The following CEP72 variants were observed in gnomAD, a reference collection of about 807,000 sequenced individuals.
CEP72 encodes centrosomal protein of 72 kDa.
A neutral mutation model predicts 65.7 loss-of-function variants in CEP72; 78 were observed. That is an observed-to-expected ratio of 1.19 (90% CI 0.99 to 1.43). CEP72 has a LOEUF of 1.43. Among genes scored for constraint, CEP72 ranks in the 40% most tolerant of loss-of-function variants. CEP72 has a pLI of 0.00. For synonymous variants in CEP72, 358 were observed against 351.7 expected, an observed-to-expected ratio of 1.02 and a Z score of -0.20; for missense variants, 914 against 832.9, an observed-to-expected ratio of 1.10 and a Z score of -1.20.
intron 9 of CEP72, chr5:643,148 T>C: frequency 1.0e-6 from 1 of 974,728 alleles, no homozygotes; most frequent in Middle Eastern, 5.3e-4. Context: ...GGGGCTGCAG[T>C]GAGCTGTGAT....
intron 1 of CEP72, among the ~76,000 whole-genome samples, chr5:615,935 A>G (rs888654331): frequency 6.6e-6 from 1 of 152,206 alleles, no homozygotes; most frequent in Non-Finnish European, 1.5e-5. Flanking sequence ...AAATATAGAA[A>G]CTTTATCACC....
intron 3 of CEP72, among the ~76,000 whole-genome samples, chr5:620,703 C>T (rs1736333863): frequency 6.6e-6 from 1 of 152,250 alleles, no homozygotes; most frequent in African/African-American, 2.4e-5. Flanking sequence ...TTGTCCCCCA[C>T]ACCCCACCAC....
the CEP72 span, among the ~76,000 whole-genome samples, chr5:673,550 C>T: frequency 3.3e-5 from 5 of 152,168 alleles, no homozygotes; most frequent in African/African-American, 1.2e-4. Flanking sequence ...GGACAATCTC[C>T]CACACGGCGC....
rs1311219762 is a variant in CEP72 at position 612,358 on chromosome 5, A to G, written c.-4A>G. On this transcript the variant is annotated 5_prime_UTR_variant, in exon 1 of 12. Coordinates refer to ENST00000264935, the MANE Select transcript of CEP72 (RefSeq NM_018140.4). ...AGGCGCCGTCCGAGGGCTCCGTTTGAAACATGGCGCGGGCTGGCCCTCGGC... is the reference window on the plus strand; with the variant it reads ...AGGCGCCGTCCGAGGGCTCCGTTTGGAACATGGCGCGGGCTGGCCCTCGGC... 3 of 1,488,654 alleles carry G rather than the reference A, an allele frequency of 2.0e-6. No homozygotes were observed. The highest frequency in any genetic ancestry group is 2.7e-6 in the Non-Finnish European group (3 of 1,124,492). 92.2% of individuals were successfully genotyped at this position (1,488,654 alleles called of 1,614,324 possible).
At chr5:633,679 A>C in intron 4 of CEP72, 90 bp from the exon 5 acceptor site, 1 of 1,258,984 alleles carries the variant, frequency 7.9e-7, no homozygotes, top group South Asian at 1.3e-5. Context: ...TCTCTCAGAG[A>C]CCGTGCAGGA....
chr5:649,204 T>A (rs1399119247), intron 11 of CEP72, among the ~76,000 whole-genome samples: 2 of 94,890 alleles, frequency 2.1e-5, no homozygotes, highest in African/African-American at 8.6e-5. Flanking sequence ...GGTGTGACTG[T>A]GAGGTGTGGA....
At chr5:612,687 A>G (rs1338305797) in intron 1 of CEP72, 1 of 729,834 alleles carries the variant, frequency 1.4e-6, no homozygotes, top group Admixed American at 1.0e-4. Context: ...CTATCGGGTC[A>G]CTGGTTCCGT....
At chr5:665,928 C>G in intron 3 of CEP72, 9 of 780,354 alleles carry the variant, frequency 1.2e-5, no homozygotes, top group Non-Finnish European at 1.4e-5. Flanking sequence ...GGCCCCGCCC[C>G]CACCCCCTCC....
At chr5:675,284 A>C in the CEP72 span, among the ~76,000 whole-genome samples, 3 of 74,896 alleles carry the variant, frequency 4.0e-5, no homozygotes, top group South Asian at 1.2e-3. Flanking sequence ...CAGGGGGTTC[A>C]GTGTGGCCAG....
chr5:643,004 G>C (rs1043167764), intron 9 of CEP72: 1 of 985,352 alleles, frequency 1.0e-6, no homozygotes, highest in African/African-American at 1.7e-5. Context: ...GCTGCGCCCA[G>C]CTTGGGTGCA....
chr5:636,770 A>G (rs1178804824), intron 6 of CEP72, among the ~76,000 whole-genome samples: 2 of 150,474 alleles, frequency 1.3e-5, no homozygotes, highest in Non-Finnish European at 3.0e-5. Context: ...AGATGGCATC[A>G]CTACACTCCA....
intron 1 of CEP72, among the ~76,000 whole-genome samples, chr5:618,441 A>G (rs549598969): frequency 2.4e-4 from 37 of 152,284 alleles, no homozygotes; most frequent in African/African-American, 7.9e-4. Context: ...TTGTCTTTCA[A>G]TCTTTTTACA....
intron 3 of CEP72, among the ~76,000 whole-genome samples, chr5:622,975 T>C (rs1736490202): frequency 6.6e-6 from 1 of 152,240 alleles, no homozygotes. Flanking sequence ...TAATCCAAGT[T>C]TTAGATTCAG....
chr5:635,639 T>A, intron 6 of CEP72, 55 bp downstream of exon 6: 1 of 1,355,244 alleles, frequency 7.4e-7, no homozygotes, highest in African/African-American at 1.4e-5. Flanking sequence ...AACCACAGAC[T>A]GAGTAATTTA....
rs868812062 is a variant in CEP72 at position 649,962 on chromosome 5, C to G, written c.1778+2046C>G. ...GTGACTGTGAGGCGTGACTGTGAGG[C>G]GTGGACTGTGAGGTGTGACTGTGAG... On this transcript the variant is annotated intron_variant, in intron 11 of 11. Coordinates refer to ENST00000264935, the MANE Select transcript of CEP72 (RefSeq NM_018140.4). Among the ~76,000 whole-genome samples, 8 of 24,956 alleles carry G rather than the reference C, an allele frequency of 3.2e-4. 1 individual carries two copies. Among genetic ancestry groups the G allele is most frequent in the Admixed American group, 1.1e-3 (2 of 1,828 alleles). The allele number at this position is 24,956 out of a possible 152,430, so 16.4% of individuals were successfully genotyped here.
intron 9 of CEP72, chr5:642,360 G>A: frequency 1.0e-6 from 1 of 985,420 alleles, no homozygotes; most frequent in Non-Finnish European, 1.2e-6. Context: ...CCCTTCTCTG[G>A]AAGCCTCTAT....
At chr5:674,089 G>A in the CEP72 span, among the ~76,000 whole-genome samples, 1 of 152,386 alleles carries the variant, frequency 6.6e-6, no homozygotes, top group East Asian at 1.9e-4. Context: ...CTGCAGGGCT[G>A]ACGGCCCCTG....
intron 1 of CEP72, among the ~76,000 whole-genome samples, chr5:615,238 T>C (rs889392011): frequency 1.3e-4 from 20 of 150,536 alleles, no homozygotes; most frequent in Non-Finnish European, 2.7e-4. Context: ...CGGGTTCACA[T>C]GATTCCTCTG....
chr5:675,520 G>T, the CEP72 span, among the ~76,000 whole-genome samples: 2 of 101,420 alleles, frequency 2.0e-5, no homozygotes, highest in Admixed American at 2.0e-4. Context: ...GTGACCAGGG[G>T]TGCAGTGTGG....
Sources: allele counts gnomAD v4.1 joint callset (sites outside exome capture counted in the v4.1 genomes callset), GRCh38; gene constraint gnomAD v4.1.1; transcripts MANE v1.5; gene names NCBI Gene and HGNC (gene_info 2026-07-23, HGNC 2026-07-21).